NAV3: variants seen among roughly 807,000 people sequenced by gnomAD.
The protein encoded by NAV3 is neuron navigator 3.
A neutral mutation model predicts 244.7 loss-of-function variants in NAV3; 87 were observed. The observed-to-expected ratio is 0.36, with a 90% CI of 0.30 to 0.42. The LOEUF (loss-of-function observed/expected upper bound fraction) is 0.42. Among genes scored for constraint, NAV3 ranks in the 20% least tolerant of loss-of-function variants. The pLI, the probability that NAV3 is intolerant of heterozygous loss-of-function variation, is 1.00. For synonymous variants in NAV3, 1,126 were observed against 1,042.2 expected, an observed-to-expected ratio of 1.08 and a Z score of -1.55; for missense variants, 2,663 against 2,893.3, an observed-to-expected ratio of 0.92 and a Z score of 1.83.
In NAV3 at chr12:77,606,525, A is replaced by G. The variant is rs1306912595; in HGVS notation, c.72+34259A>G. Among the ~76,000 whole-genome samples, 3 of 152,130 alleles carry G rather than the reference A, an allele frequency of 2.0e-5. No homozygotes were observed. The East Asian group carries it at 5.8e-4, about 29-fold the overall frequency. ...CTGCTACAATGTGAGTAACTTCAGG[A>G]CAGAAATTATGACTCACTCTGCTGC... On this transcript the variant is annotated intron_variant, in intron 2 of 8. Coordinates refer to the NAV3 transcript ENST00000550042.
intron 9 of NAV3, 25 bp from the exon 10 acceptor site, chr12:78,049,968 C>A (rs2137223961): frequency 6.5e-7 from 1 of 1,541,500 alleles, no homozygotes; most frequent in East Asian, 2.3e-5. Flanking sequence ...TCATGAATAG[C>A]AAATTTATCA....
At chr12:77,752,753 G>A (rs1048776498) in intron 2 of NAV3, among the ~76,000 whole-genome samples, 2 of 152,052 alleles carry the variant, frequency 1.3e-5, no homozygotes, top group Non-Finnish European at 2.9e-5. Context: ...TAAGGCAAGC[G>A]ACTGAATACA....
intron 9 of NAV3, among the ~76,000 whole-genome samples, chr12:78,022,284 A>C (rs559442957): frequency 3.9e-5 from 6 of 152,248 alleles, no homozygotes; most frequent in African/African-American, 1.4e-4. Flanking sequence ...TGAAAAGGAA[A>C]ATATTTTATT....
chr12:78,033,551 A>G (rs1297547854), intron 9 of NAV3, among the ~76,000 whole-genome samples: 2 of 152,012 alleles, frequency 1.3e-5, no homozygotes, highest in Non-Finnish European at 2.9e-5. Context: ...TGTACCCCCA[A>G]AGCAAGCAGG....
Position 78,210,731 on chromosome 12 carries a change from A to T in NAV3, c.*214A>T. On this transcript the variant is annotated 3_prime_UTR_variant, in exon 40 of 40. Coordinates refer to ENST00000397909, the MANE Select transcript of NAV3 (RefSeq NM_001024383.2). ...TTTAGTTTATTTCTAAGCATTTTTT[A>T]TATCTGTGGAGTAATAGAAAGCTCC... 2 of 561,644 alleles carry T rather than the reference A, an allele frequency of 3.6e-6. No homozygotes were observed. Among genetic ancestry groups the T allele is most frequent in the East Asian group, 6.5e-5 (2 of 30,544 alleles). 34.8% of individuals were successfully genotyped at this position (561,644 alleles called of 1,614,324 possible). A position where few individuals can be genotyped will look rare whatever the true frequency, so the allele number is the denominator to read the frequency against.
chr12:78,025,823 A>G (rs1877968719), intron 9 of NAV3, among the ~76,000 whole-genome samples: 1 of 152,118 alleles, frequency 6.6e-6, no homozygotes, highest in Admixed American at 6.5e-5. Flanking sequence ...TGATCTCTGC[A>G]CAACAGCTCC....
At chr12:77,923,223 C>T (rs1345288709) in intron 1 of NAV3, among the ~76,000 whole-genome samples, 1 of 151,976 alleles carries the variant, frequency 6.6e-6, no homozygotes, top group Non-Finnish European at 1.5e-5. Flanking sequence ...AGTCTAAAGT[C>T]AATTTAAGAA....
intron 1 of NAV3, among the ~76,000 whole-genome samples, chr12:77,893,231 C>A (rs900302893): frequency 1.3e-5 from 2 of 152,002 alleles, no homozygotes; most frequent in Admixed American, 1.3e-4. Flanking sequence ...GGTAGATAAC[C>A]AACTACAGTT....
chr12:77,955,915 C>T (rs1354832601), intron 3 of NAV3, among the ~76,000 whole-genome samples: 3 of 152,024 alleles, frequency 2.0e-5, no homozygotes, highest in Admixed American at 1.3e-4. Context: ...GACCCTTCTG[C>T]ATTCTTTTCT....
chr12:77,599,676 A>G (rs1034947053), intron 2 of NAV3, among the ~76,000 whole-genome samples: 5 of 151,830 alleles, frequency 3.3e-5, no homozygotes, highest in Non-Finnish European at 5.9e-5. Flanking sequence ...TTTTATCATC[A>G]GTTATCATAG....
Position 77,720,202 on chromosome 12 carries a change from CA to C in NAV3, c.72+147938del, listed in dbSNP as rs576192698. Among the ~76,000 whole-genome samples the C allele has an allele frequency of 3.9e-4, 59 of 151,840 alleles. No homozygotes were observed. In the South Asian group the frequency reaches 0.011, roughly 30 times the overall value. On this transcript the variant is annotated intron_variant, in intron 2 of 8. Transcript: ENST00000550042. ...CTCTTTAACCTGGCTAATGGTTTAT[CA>C]ATTTTTTTTCTTTGGTTGAGTTATG...
At chr12:77,710,142 T>A (rs1876036993) in intron 2 of NAV3, among the ~76,000 whole-genome samples, 1 of 152,202 alleles carries the variant, frequency 6.6e-6, no homozygotes, top group East Asian at 1.9e-4. Flanking sequence ...GGGCGTGCAC[T>A]TTTTTCTTTT....
chr12:77,853,099 A>T (rs576650358), intron 1 of NAV3, among the ~76,000 whole-genome samples: 1 of 152,196 alleles, frequency 6.6e-6, no homozygotes, highest in African/African-American at 2.4e-5. Context: ...TTTCTTACTA[A>T]CCTGAATGCA....
At chr12:77,722,179 A>G (rs1876666861) in intron 2 of NAV3, among the ~76,000 whole-genome samples, 1 of 152,096 alleles carries the variant, frequency 6.6e-6, no homozygotes, top group Admixed American at 6.6e-5. Context: ...TAGAATGGGA[A>G]TTCTATGTAG....
chr12:77,921,637 C>A (rs1887719026), intron 1 of NAV3, among the ~76,000 whole-genome samples: 1 of 152,014 alleles, frequency 6.6e-6, no homozygotes, highest in Non-Finnish European at 1.5e-5. Flanking sequence ...GTTACAATTT[C>A]TAACGTGAAA....
chr12:77,821,106 C>G (rs1872726376), intron 2 of NAV3, among the ~76,000 whole-genome samples: 2 of 151,828 alleles, frequency 1.3e-5, no homozygotes, highest in South Asian at 4.2e-4. Context: ...CACACACACA[C>G]ACACACAGCT....
At chr12:77,629,017 A>G (rs1239914419) in intron 2 of NAV3, among the ~76,000 whole-genome samples, 1 of 152,232 alleles carries the variant, frequency 6.6e-6, no homozygotes, top group Non-Finnish European at 1.5e-5. Context: ...TGTGCTTAGT[A>G]GGTAAACCTT....
At chr12:77,911,592 G>T (rs1886595869) in intron 1 of NAV3, among the ~76,000 whole-genome samples, 1 of 151,898 alleles carries the variant, frequency 6.6e-6, no homozygotes, top group Non-Finnish European at 1.5e-5. Flanking sequence ...AATTATTCTG[G>T]CAATGCTTCT....
At chr12:77,708,825 G>A (rs942537057) in intron 2 of NAV3, among the ~76,000 whole-genome samples, 37 of 152,244 alleles carry the variant, frequency 2.4e-4, no homozygotes, top group African/African-American at 7.9e-4. Flanking sequence ...TGAAGCAATT[G>A]TGAATGGGAG....
Sources: allele counts gnomAD v4.1 joint callset (sites outside exome capture counted in the v4.1 genomes callset), GRCh38; gene constraint gnomAD v4.1.1; transcripts MANE v1.5; gene names NCBI Gene and HGNC (gene_info 2026-07-23, HGNC 2026-07-21).